MYPOP: variants seen among roughly 807,000 people sequenced by gnomAD.
MYPOP encodes the protein myb-related transcription factor, partner of profilin.
In MYPOP, 21 loss-of-function variants were observed where a neutral mutation model predicts 25.7. The observed-to-expected ratio is 0.82, with a 90% CI of 0.58 to 1.18. MYPOP has a LOEUF of 1.18. Among genes scored for constraint, MYPOP ranks in the 50% most tolerant of loss-of-function variants. MYPOP has a pLI of 0.00. For synonymous variants in MYPOP, 280 were observed against 247.9 expected, an observed-to-expected ratio of 1.13 and a Z score of -1.22; for missense variants, 566 against 588.3, an observed-to-expected ratio of 0.96 and a Z score of 0.39.
chr19:45,902,085 GAAGGA>G (rs1415831265), intron 1 of MYPOP, among the ~76,000 whole-genome samples: 1 of 150,704 alleles, frequency 6.6e-6, no homozygotes, highest in Non-Finnish European at 1.5e-5. Flanking sequence ...TGGAGGGATG[GAAGGA>G]AAGGAGGAAA....
Position 45,890,574 on chromosome 19 carries a change from G to A in MYPOP, c.*49C>T. 6.3e-7 allele frequency: 1 copy of A among 1,599,986 alleles called. No homozygotes were observed. The highest frequency in any genetic ancestry group is 1.1e-5 in the South Asian group (1 of 89,582). ...GCAGAGAGCATCGCCCCCCTCGACT[G>A]CGCCAAGCTGGGGAGAGGGGTTGCA... On this transcript the variant is annotated 3_prime_UTR_variant, in exon 3 of 3. Coordinates refer to ENST00000322217, the MANE Select transcript of MYPOP (RefSeq NM_001012643.4).
chr19:45,901,697 T>A lies in MYPOP; in HGVS notation c.77A>T (p.Gln26Leu), dbSNP rs746582950. 1.2e-6 allele frequency: 2 copies of A among 1,601,998 alleles called. No individual in the cohort carries two copies. Among genetic ancestry groups the A allele is most frequent in the Admixed American group, 3.4e-5 (2 of 59,234 alleles). The change falls in exon 2 of 3, where the codon CAG becomes CTG. Residue 26 changes from glutamine (Q) to leucine (L), a missense_variant. By Grantham distance (113) the Gln-to-Leu change is moderately radical. Coordinates refer to ENST00000322217, the MANE Select transcript of MYPOP (RefSeq NM_001012643.4). This position sits in a 1 kb window ranked among gnomAD's most constrained non-coding sequence, Gnocchi z 5.7. Reference protein sequence around the residue: ...RKPRFSFEENQILIREVRAHY... With the variant: ...RKPRFSFEENLILIREVRAHY... ...GGCGCGCACCTCGCGGATCAGGATC[T>A]GGTTCTCTTCGAATGAGAAGCGCGG...
intron 2 of MYPOP, among the ~76,000 whole-genome samples, chr19:45,895,812 A>G (rs1040305850): frequency 4.6e-5 from 7 of 151,954 alleles, no homozygotes; most frequent in African/African-American, 1.2e-4. Context: ...GTCTTCCCAC[A>G]TGTCGTTCCC....
intron 2 of MYPOP, among the ~76,000 whole-genome samples, chr19:45,899,183 G>A (rs757595029): frequency 9.9e-5 from 15 of 152,178 alleles, no homozygotes; most frequent in African/African-American, 1.9e-4. Flanking sequence ...CCGAGATTGC[G>A]CCATTTCACT....
intron 2 of MYPOP, among the ~76,000 whole-genome samples, chr19:45,896,188 G>A (rs1055691375): frequency 3.9e-5 from 6 of 152,162 alleles, no homozygotes; most frequent in African/African-American, 1.2e-4. Context: ...CTACTTGGGA[G>A]GCTGAGGCAC....
At chr19:45,897,793 C>G (rs1967227362) in intron 2 of MYPOP, among the ~76,000 whole-genome samples, 1 of 151,840 alleles carries the variant, frequency 6.6e-6, no homozygotes, top group African/African-American at 2.4e-5. Context: ...TGGGATCAAG[C>G]AATCCTCCCA....
At chr19:45,894,882 C>T (rs1967180689) in intron 2 of MYPOP, among the ~76,000 whole-genome samples, 1 of 151,440 alleles carries the variant, frequency 6.6e-6, no homozygotes, top group Admixed American at 6.6e-5. Context: ...CCATGCCCAG[C>T]TAATTTTTGT....
At chr19:45,899,997 C>A (rs541597753) in intron 2 of MYPOP, among the ~76,000 whole-genome samples, 11 of 152,326 alleles carry the variant, frequency 7.2e-5, no homozygotes, top group African/African-American at 2.6e-4. Flanking sequence ...GTGCCATGGA[C>A]TGGGGGTTGG....
chr19:45,901,777 G>GC lies in MYPOP; in HGVS notation c.-5dup, dbSNP rs1271101119. 4 of 1,428,968 alleles carry GC rather than the reference G, an allele frequency of 2.8e-6. No individual in the cohort carries two copies. The highest frequency in any genetic ancestry group is 5.7e-5 in the Admixed American group (2 of 34,972). 88.5% of individuals were successfully genotyped at this position (1,428,968 alleles called of 1,614,324 possible). A position where few individuals can be genotyped will look rare whatever the true frequency, so the allele number is the denominator to read the frequency against. On this transcript the variant is annotated 5_prime_UTR_variant, in exon 2 of 3. Coordinates refer to ENST00000322217, the MANE Select transcript of MYPOP (RefSeq NM_001012643.4). This position sits in a 1 kb window ranked among gnomAD's most constrained non-coding sequence, Gnocchi z 5.7. The stretch of plus-strand genomic sequence containing the variant: ...CGCCCGCCGCCGCCGAGGCCATGGC[G>GC]CCCCCCGACGCCGCCGTCCTGCCGT...
chr19:45,899,961 G>T (rs946092227), intron 2 of MYPOP, among the ~76,000 whole-genome samples: 1 of 152,204 alleles, frequency 6.6e-6, no homozygotes, highest in African/African-American at 2.4e-5. Context: ...TCTTGTTATT[G>T]CTGGGCAATC....
At chr19:45,900,773 C>T (rs1390019565) in intron 2 of MYPOP, among the ~76,000 whole-genome samples, 1 of 152,084 alleles carries the variant, frequency 6.6e-6, no homozygotes, top group African/African-American at 2.4e-5. Flanking sequence ...TGCATCTTAC[C>T]GCATTGATGA....
At position 45,891,315 on chromosome 19, in the gene MYPOP, C is replaced by CCCA. The variant is rs1448873679; in HGVS notation, c.507_508insTGG (p.Ser169_Ala170insTrp). ...CTGCTGGAGCCCGCCTTGCTGTGGGCTGATGTATCTGTAGAGAGAGAAATA... is the reference window on the plus strand; with the variant it reads ...CTGCTGGAGCCCGCCTTGCTGTGGGCCCATGATGTATCTGTAGAGAGAGAAATA... On this transcript the variant is annotated inframe_insertion, in exon 3 of 3. Transcript: ENST00000322217. 2.6e-6 allele frequency: 4 copies of CCCA among 1,515,296 alleles called. No homozygotes were observed. 93.9% of individuals were successfully genotyped at this position (1,515,296 alleles called of 1,614,324 possible). A position where few individuals can be genotyped will look rare whatever the true frequency, so the allele number is the denominator to read the frequency against.
In MYPOP at chr19:45,891,283, C is replaced by T; in HGVS notation, c.540G>A (p.Glu180=). Reference sequence around the variant, plus strand: ...GAGTGCAGGAGGGCCGGGCCCATGGCTCCGGGCTGCTGGAGCCCGCCTTGC... The same window carrying T: ...GAGTGCAGGAGGGCCGGGCCCATGGTTCCGGGCTGCTGGAGCCCGCCTTGC... ...AHSKAGSSSP[E]PWARPSCTPQ... is the part of the protein sequence containing the mutation. The change falls in exon 3 of 3, where the codon GAG becomes GAA. Residue 180 remains glutamate, a synonymous_variant. Transcript: ENST00000322217. 4 of 1,545,496 alleles carry T rather than the reference C, an allele frequency of 2.6e-6. No homozygotes were observed. Among genetic ancestry groups the T allele is most frequent in the Non-Finnish European group, 3.5e-6 (4 of 1,152,484 alleles).
intron 2 of MYPOP, among the ~76,000 whole-genome samples, chr19:45,895,793 A>G (rs957170822): frequency 3.2e-4 from 49 of 151,644 alleles, no homozygotes; most frequent in Non-Finnish European, 6.2e-4. Context: ...CTTGCCCCCA[A>G]CTCCGCCTGT....
At position 45,901,252 on chromosome 19, in the gene MYPOP, C is replaced by G. The variant is rs1256689353; in HGVS notation, c.499+23G>C. The G allele has an allele frequency of 2.8e-6, 4 of 1,428,258 alleles. No individual in the cohort carries two copies. Among genetic ancestry groups the G allele is most frequent in the Non-Finnish European group, 3.7e-6 (4 of 1,090,536 alleles). The allele number at this position is 1,428,258 out of a possible 1,614,324, so 88.5% of individuals were successfully genotyped here. A position where few individuals can be genotyped will look rare whatever the true frequency, so the allele number is the denominator to read the frequency against. On this transcript the variant is annotated intron_variant, in intron 2 of 2. Coordinates refer to ENST00000322217, the MANE Select transcript of MYPOP (RefSeq NM_001012643.4). This position sits in a 1 kb window ranked among gnomAD's most constrained non-coding sequence, Gnocchi z 5.7. The stretch of plus-strand genomic sequence containing the variant: ...AAAGGCTTGCAACAGCGCAGGCACA[C>G]AGCCTACTCTGAAGACACTCACCTG...
rs1254585309 is a variant in MYPOP at position 45,900,470 on chromosome 19, A to G, written c.499+805T>C. Among the ~76,000 whole-genome samples, 3 of 72,270 alleles carry G rather than the reference A, an allele frequency of 4.2e-5. No individual in the cohort carries two copies. The East Asian group carries it at 1.4e-3, about 35-fold the overall frequency. 47.4% of individuals were successfully genotyped at this position (72,270 alleles called of 152,430 possible). ...GACCACCCCCCCCCCCACCGAAATC[A>G]GAAACCCTCTCTGGGCTCCCACAGT... On this transcript the variant is annotated intron_variant, in intron 2 of 2. Transcript: ENST00000322217.
chr19:45,890,922 T>A lies in MYPOP; in HGVS notation c.901A>T (p.Thr301Ser). The change falls in exon 3 of 3, where the codon ACC (threonine) becomes TCC (serine). Residue 301 changes from threonine to serine, a missense_variant. By Grantham distance (58) the Thr-to-Ser change is moderately conservative. Coordinates refer to ENST00000322217, the MANE Select transcript of MYPOP (RefSeq NM_001012643.4). ...LSALLPLLPG[T>S]PVDSLPPPLP... is the part of the protein sequence containing the mutation. ...GGTGGAGGCAGGGAGTCAACTGGGG[T>A]TCCTGGCAGAAGGGGCAGCAGAGCG... 7.2e-7 allele frequency: 1 copy of A among 1,397,214 alleles called. No homozygotes were observed. Among genetic ancestry groups the A allele is most frequent in the South Asian group, 1.6e-5 (1 of 62,094 alleles). The allele number at this position is 1,397,214 out of a possible 1,614,324, so 86.6% of individuals were successfully genotyped here.
intron 2 of MYPOP, among the ~76,000 whole-genome samples, chr19:45,894,976 A>T (rs1967181825): frequency 6.6e-6 from 1 of 152,106 alleles, no homozygotes; most frequent in African/African-American, 2.4e-5. Context: ...TCAGCCTCCC[A>T]AAGTGCTGGG....
rs866895194 is a variant in MYPOP, at chr19:45,891,009, C to A, written c.814G>T (p.Ala272Ser). 1.3e-6 allele frequency: 2 copies of A among 1,508,196 alleles called. No homozygotes were observed. The highest frequency in any genetic ancestry group is 1.8e-6 in the Non-Finnish European group (2 of 1,122,806). The allele number at this position is 1,508,196 out of a possible 1,614,324, so 93.4% of individuals were successfully genotyped here. The change falls in exon 3 of 3, where the codon GCC becomes TCC. Residue 272 changes from alanine (A) to serine (S), a missense_variant. By Grantham distance (99) the Ala-to-Ser change is moderately conservative (BLOSUM62 1). Coordinates refer to ENST00000322217, the MANE Select transcript of MYPOP (RefSeq NM_001012643.4). Reference sequence around the variant, plus strand: ...AGGGTGCCGGCCAGCTCCCGGATGGCGTTGGCAGTCTCCTGCTGGGCCCGC... The same window carrying A: ...AGGGTGCCGGCCAGCTCCCGGATGGAGTTGGCAGTCTCCTGCTGGGCCCGC... ...FLRAQQETAN[A>S]IRELAGTLRQ...
Sources: allele counts gnomAD v4.1 joint callset (sites outside exome capture counted in the v4.1 genomes callset), GRCh38; gene constraint gnomAD v4.1.1; non-coding constraint Gnocchi (gnomAD v3.1); transcripts MANE v1.5; gene names NCBI Gene and HGNC (gene_info 2026-07-23, HGNC 2026-07-21).